Variants in PLEKHA6 observed in about 807,000 individuals in gnomAD.
The protein encoded by PLEKHA6 is pleckstrin homology domain-containing family A member 6.
In PLEKHA6, 60 loss-of-function variants were observed where a neutral mutation model predicts 116.7. The observed-to-expected ratio is 0.51, with a 90% CI of 0.42 to 0.64. The LOEUF (loss-of-function observed/expected upper bound fraction) is 0.64. PLEKHA6 is among the 30% of genes least tolerant of loss of function. PLEKHA6 has a pLI of 0.00. For missense variants in PLEKHA6, 1,338 were observed against 1,422.7 expected (o/e 0.94, Z 0.96); for synonymous variants, 489 against 556.1 (o/e 0.88, Z 1.70).
chr1:204,249,365 C>G lies in PLEKHA6; in HGVS notation c.1594-101G>C, dbSNP rs183022788. On this transcript the variant is annotated intron_variant, in intron 10 of 22. Coordinates refer to ENST00000272203, the MANE Select transcript of PLEKHA6 (RefSeq NM_014935.5). ...TTATAGGCCTGGCCTCTGGATACCC[C>G]CCTCCTTTCTCCTGCTGAGGAACCC... is the stretch of plus-strand genomic sequence containing the variant. The G allele has an allele frequency of 1.0e-4, 88 of 851,024 alleles. No individual in the cohort carries two copies. In the African/African-American group the frequency reaches 1.2e-3, roughly 12 times the overall value. 52.7% of individuals were successfully genotyped at this position (851,024 alleles called of 1,614,324 possible).
intron 2 of PLEKHA6, among the ~76,000 whole-genome samples, chr1:204,371,026 C>A (rs1262828097): frequency 6.8e-6 from 1 of 147,108 alleles, no homozygotes; most frequent in Non-Finnish European, 1.5e-5. Flanking sequence ...TGCACTCCAG[C>A]CTGTGCGACA....
At chr1:204,274,083 G>A (rs1352700992) in intron 2 of PLEKHA6, among the ~76,000 whole-genome samples, 2 of 152,036 alleles carry the variant, frequency 1.3e-5, no homozygotes, top group Admixed American at 1.3e-4. Context: ...ACAGGCATGG[G>A]CCACCATGCC....
chr1:204,313,185 C>A (rs1671728723), intron 1 of PLEKHA6, among the ~76,000 whole-genome samples: 1 of 151,746 alleles, frequency 6.6e-6, no homozygotes, highest in Non-Finnish European at 1.5e-5. Context: ...TCTCAAAGCA[C>A]TGGAATTACA....
At chr1:204,371,926 C>T (rs1262263211) in intron 1 of PLEKHA6, among the ~76,000 whole-genome samples, 1 of 152,130 alleles carries the variant, frequency 6.6e-6, no homozygotes, top group African/African-American at 2.4e-5. Context: ...AGTGTGATAC[C>T]ATCGCAAAGA....
chr1:204,317,758 C>G lies in PLEKHA6; in HGVS notation c.-95+41936G>C, dbSNP rs75776438. ...AAAAATTTAATGGAACAGAATAGAA[C>G]GTAGTGTATACTGCACTTGGTAAGA... On this transcript the variant is annotated intron_variant, in intron 1 of 22. Coordinates refer to ENST00000272203, the MANE Select transcript of PLEKHA6 (RefSeq NM_014935.5). Among the ~76,000 whole-genome samples, 1,197 of 152,292 alleles carry G rather than the reference C, an allele frequency of 7.9e-3. 12 individuals carry two copies. The highest frequency in any genetic ancestry group is 0.026 in the African/African-American group (1,068 of 41,558).
intron 21 of PLEKHA6, among the ~76,000 whole-genome samples, chr1:204,224,926 G>A (rs997711979): frequency 1.3e-5 from 2 of 152,150 alleles, no homozygotes; most frequent in African/African-American, 2.4e-5. Flanking sequence ...CAACATAGAG[G>A]TTATAGCCCA....
At chr1:204,255,204 C>A (rs1665111352) in intron 9 of PLEKHA6, among the ~76,000 whole-genome samples, 1 of 152,120 alleles carries the variant, frequency 6.6e-6, no homozygotes, top group African/African-American at 2.4e-5. Context: ...AGTTTAACAA[C>A]AACCTGTAAA....
At chr1:204,371,874 A>G (rs550898931) in intron 1 of PLEKHA6, among the ~76,000 whole-genome samples, 10 of 152,344 alleles carry the variant, frequency 6.6e-5, no homozygotes, top group African/African-American at 2.2e-4. Context: ...CTGCAATACA[A>G]TATGATAGGC....
In PLEKHA6 at chr1:204,257,515, G is replaced by C; in HGVS notation, c.1362C>G (p.His454Gln). 1 of 1,590,658 alleles carries C rather than the reference G, an allele frequency of 6.3e-7. No individual in the cohort carries two copies. The highest frequency in any genetic ancestry group is 8.6e-7 in the Non-Finnish European group (1 of 1,167,022). ...CCTGGCTGGGTGAGCGGGGCACAGA[G>C]TGGGAGCGGGGCTGCAGGGACAGGC... ...LRRLSLQPRS[H>Q]SVPRSPSQGS... The change falls in exon 9 of 23, where the codon CAC becomes CAG. Residue 454 changes from histidine to glutamine, a missense_variant. Physicochemically the swap from His to Gln is conservative, Grantham distance 24. Coordinates refer to ENST00000272203, the MANE Select transcript of PLEKHA6 (RefSeq NM_014935.5). The surrounding 1 kb of genome is among the most constrained non-coding windows in gnomAD (Gnocchi z 6.5).
At chr1:204,329,931 A>AAG (rs1399096273) in intron 1 of PLEKHA6, among the ~76,000 whole-genome samples, 1 of 151,816 alleles carries the variant, frequency 6.6e-6, no homozygotes. Context: ...GTTTCTTCAG[A>AAG]AGAGAGAGAG....
At chr1:204,282,681 T>C in intron 1 of PLEKHA6, 9 of 985,432 alleles carry the variant, frequency 9.1e-6, no homozygotes, top group Non-Finnish European at 1.1e-5. Flanking sequence ...ACTGCGATTC[T>C]ACCACCCAGA....
At chr1:204,313,101 CTCCT>C (rs1256795682) in intron 1 of PLEKHA6, among the ~76,000 whole-genome samples, 4 of 118,838 alleles carry the variant, frequency 3.4e-5, no homozygotes, top group Non-Finnish European at 1.8e-5. Context: ...CCCTCCTTCC[CTCCT>C]TCCTTCCTTC....
In PLEKHA6 at chr1:204,219,863, C is replaced by G. The variant is rs1297673408; in HGVS notation, c.*2925G>C. 6.6e-6 allele frequency: 1 copy of G among 152,224 alleles called. No individual in the cohort carries two copies. Among genetic ancestry groups the G allele is most frequent in the Non-Finnish European group, 1.5e-5 (1 of 68,114 alleles). The allele number at this position is 152,224 out of a possible 1,614,324, so 9.4% of individuals were successfully genotyped here. A position where few individuals can be genotyped will look rare whatever the true frequency, so the allele number is the denominator to read the frequency against. On this transcript the variant is annotated 3_prime_UTR_variant, in exon 23 of 23. Transcript: ENST00000272203. ...GGGTTTCTTGGGTGAGGTTGAGATG[C>G]CACCTTGTCTGTAGGACCCTCCTTG...
At position 204,275,618 on chromosome 1, in the gene PLEKHA6, C is replaced by T. The variant is rs942995873; in HGVS notation, c.-94-809G>A. The T allele has an allele frequency of 1.0e-5, 8 of 780,008 alleles. No homozygotes were observed. In the African/African-American group the frequency reaches 1.3e-4, roughly 13 times the overall value. The allele number at this position is 780,008 out of a possible 1,614,324, so 48.3% of individuals were successfully genotyped here. A position where few individuals can be genotyped will look rare whatever the true frequency, so the allele number is the denominator to read the frequency against. On this transcript the variant is annotated intron_variant, in intron 1 of 22. Transcript: ENST00000272203. ...TTGGGAAGACCTGCTGTGGCTCCTC[C>T]GGCTGGCTGAGTGTCAGGACAGTTC...
chr1:204,371,489 T>C (rs999253044), intron 2 of PLEKHA6: 14 of 152,214 alleles, frequency 9.2e-5, no homozygotes, highest in African/African-American at 3.4e-4. Context: ...AGCTATTACA[T>C]CCTCCTCAAT....
chr1:204,239,519 T>C (rs570120559), intron 17 of PLEKHA6, among the ~76,000 whole-genome samples: 13 of 152,274 alleles, frequency 8.5e-5, no homozygotes, highest in African/African-American at 2.9e-4. Flanking sequence ...CAACCATCCA[T>C]GGACTCACGG....
chr1:204,227,116 C>G (rs1433704084), intron 21 of PLEKHA6, among the ~76,000 whole-genome samples: 1 of 152,224 alleles, frequency 6.6e-6, no homozygotes, highest in Non-Finnish European at 1.5e-5. Context: ...ATCCCTTCCA[C>G]TATGTTCTGA....
chr1:204,257,372 C>T lies in PLEKHA6; in HGVS notation c.1505G>A (p.Arg502Gln), dbSNP rs1279805217. Reference protein sequence around the residue: ...YADPAAYVMRRSISSPKVPPY... With the variant: ...YADPAAYVMRQSISSPKVPPY... ...GCTCACCTTGGGGGAGCTGATGGAT[C>T]GCCTCATCACATAGGCAGCAGGGTC... is the stretch of plus-strand genomic sequence containing the variant. The change falls in exon 9 of 23, where the codon CGA (arginine) becomes CAA (glutamine). Residue 502 changes from arginine (R) to glutamine (Q), a missense_variant. This residue lies in a region of PLEKHA6 where 1,136 missense variants were observed against 1,163.6 expected (regional missense o/e 0.98). Transcript: ENST00000272203. This position sits in a 1 kb window ranked among gnomAD's most constrained non-coding sequence, Gnocchi z 6.5. 17 of 1,562,192 alleles carry T rather than the reference C, an allele frequency of 1.1e-5. No individual in the cohort carries two copies. The highest frequency in any genetic ancestry group is 4.8e-5 in the East Asian group (2 of 41,914).
At chr1:204,371,018 C>CA (rs1410461232) in intron 2 of PLEKHA6, among the ~76,000 whole-genome samples, 3 of 145,288 alleles carry the variant, frequency 2.1e-5, no homozygotes, top group African/African-American at 7.9e-5. Flanking sequence ...TGTGCCACTG[C>CA]ACTCCAGCCT....
Sources: gnomAD v4.1 joint callset for allele counts (sites outside exome capture counted in the v4.1 genomes callset) on GRCh38, gnomAD v4.1.1 for gene constraint, gnomAD v4.1.1 regional missense constraint, Gnocchi (gnomAD v3.1) non-coding constraint, MANE v1.5 for transcripts, NCBI Gene and HGNC (gene_info 2026-07-23, HGNC 2026-07-21) for gene names.